Variants in PDZD2 observed in about 807,000 individuals in gnomAD.
PDZD2 encodes the protein PDZ domain-containing protein 2.
PDZD2 carries 90 observed loss-of-function variants against 220.7 expected under a neutral mutation model. The observed-to-expected ratio is 0.41, with a 90% CI of 0.34 to 0.49. The LOEUF (loss-of-function observed/expected upper bound fraction) is 0.49, where lower values mean the gene tolerates loss of function less well. Ranked by LOEUF, PDZD2 falls within the 20% of genes least tolerant of loss-of-function variation. The probability of loss-of-function intolerance (pLI) is 0.28; values close to 1 mark genes in which losing one functional copy is unlikely to be tolerated. For missense variants in PDZD2, 3,174 were observed against 3,608.5 expected (o/e 0.88, Z 3.08); for synonymous variants, 1,375 against 1,450.5 (o/e 0.95, Z 1.18).
At chr5:31,796,556 G>A (rs1320000382) in intron 1 of PDZD2, among the ~76,000 whole-genome samples, 1 of 152,112 alleles carries the variant, frequency 6.6e-6, no homozygotes, top group Non-Finnish European at 1.5e-5. Context: ...CTGAGGTCTC[G>A]GGGAAGAACC....
chr5:32,004,856 C>G (rs1232070196), intron 5 of PDZD2, among the ~76,000 whole-genome samples: 1 of 152,198 alleles, frequency 6.6e-6, no homozygotes, highest in Non-Finnish European at 1.5e-5. Flanking sequence ...CATTCCAGAA[C>G]CAAAGGATGG....
intron 2 of PDZD2, among the ~76,000 whole-genome samples, chr5:31,943,754 C>T (rs931935061): frequency 6.6e-6 from 1 of 152,222 alleles, no homozygotes; most frequent in African/African-American, 2.4e-5. Flanking sequence ...TAGGGCACAA[C>T]ACTCTCTTTA....
rs1040549345 is a variant in PDZD2, at chr5:32,109,919, A to G, written c.*1784A>G. 1 of 152,660 alleles carries G rather than the reference A, an allele frequency of 6.6e-6. No homozygotes were observed. The highest frequency in any genetic ancestry group is 6.5e-5 in the Admixed American group (1 of 15,276). 9.5% of individuals were successfully genotyped at this position (152,660 alleles called of 1,614,324 possible). On this transcript the variant is annotated 3_prime_UTR_variant, in exon 25 of 25. Transcript: ENST00000438447. ...AGTCCAGATTTCTCATCAACTGGCA[A>G]TACAAAGGAAAATATGGTACAGGAG...
chr5:31,911,686 G>C (rs77620374), intron 2 of PDZD2, among the ~76,000 whole-genome samples: 4,257 of 152,346 alleles, frequency 0.028, 87 homozygotes, highest in South Asian at 0.044. Flanking sequence ...CCAAGAATCA[G>C]GCTTGGATGT....
chr5:31,842,084 C>T (rs745862589), intron 2 of PDZD2, among the ~76,000 whole-genome samples: 23 of 152,144 alleles, frequency 1.5e-4, no homozygotes, highest in Non-Finnish European at 3.2e-4. Context: ...TGAAGGTGAG[C>T]CGTTAATTTG....
chr5:31,848,508 G>A (rs1010792310), intron 2 of PDZD2, among the ~76,000 whole-genome samples: 5 of 152,212 alleles, frequency 3.3e-5, no homozygotes, highest in Admixed American at 1.3e-4. Context: ...CAGCACTTTG[G>A]GAGGCTGAGG....
intron 2 of PDZD2, among the ~76,000 whole-genome samples, chr5:31,886,046 C>T (rs554747132): frequency 4.6e-5 from 7 of 151,944 alleles, no homozygotes; most frequent in African/African-American, 7.3e-5. Flanking sequence ...ATTACAGGCA[C>T]CCACCACCAC....
At chr5:31,850,615 T>C (rs894439682) in intron 2 of PDZD2, among the ~76,000 whole-genome samples, 7 of 151,476 alleles carry the variant, frequency 4.6e-5, no homozygotes, top group African/African-American at 1.5e-4. Context: ...GCAAGTCGTC[T>C]TTACATTGTA....
chr5:31,694,857 C>T (rs1445255306), intron 1 of PDZD2, among the ~76,000 whole-genome samples: 1 of 150,868 alleles, frequency 6.6e-6, no homozygotes, highest in East Asian at 1.9e-4. Context: ...GGTGCAGTGG[C>T]TCACGCCTGT....
At position 31,721,741 on chromosome 5, in the gene PDZD2, CA is replaced by C. The variant is rs11368533; in HGVS notation, c.-360-77137del. 5.1e-3 allele frequency among the ~76,000 whole-genome samples: 757 copies of C among 147,920 alleles called. 7 individuals carry two copies. The highest frequency in any genetic ancestry group is 0.017 in the African/African-American group (696 of 40,278). On this transcript the variant is annotated intron_variant, in intron 1 of 24. Coordinates refer to ENST00000438447, the MANE Select transcript of PDZD2 (RefSeq NM_178140.4). ...TAAAAAAAATGAGGCTTAGCTGTCT[CA>C]AAAAAAAAAATGAGTCTTAGCAGTG...
At position 31,699,930 on chromosome 5, in the gene PDZD2, G is replaced by A. The variant is rs182261241; in HGVS notation, c.-361+60493G>A. Reference sequence around the variant, plus strand: ...AAAAGAAAAGAAGAAAGGAGGTTGGGAGATTTAACTAAAGAGTCTGAATGC... The same window carrying A: ...AAAAGAAAAGAAGAAAGGAGGTTGGAAGATTTAACTAAAGAGTCTGAATGC... On this transcript the variant is annotated intron_variant, in intron 1 of 24. Transcript: ENST00000438447. 9.9e-4 allele frequency among the ~76,000 whole-genome samples: 151 copies of A among 152,236 alleles called. 1 individual carries two copies. The highest frequency in any genetic ancestry group is 3.3e-3 in the African/African-American group (139 of 41,552).
chr5:31,846,608 C>T (rs558372723), intron 2 of PDZD2, among the ~76,000 whole-genome samples: 1 of 152,356 alleles, frequency 6.6e-6, no homozygotes, highest in South Asian at 2.1e-4. Flanking sequence ...CAATAAGTCA[C>T]CACCCCGTCT....
chr5:32,078,639 A>G (rs987469605), intron 19 of PDZD2, among the ~76,000 whole-genome samples: 24 of 32,990 alleles, frequency 7.3e-4, no homozygotes, highest in South Asian at 1.5e-3. Flanking sequence ...CTCAAAAATT[A>G]AAAAAAAAAA....
chr5:31,790,614 A>G (rs1753648135), intron 1 of PDZD2, among the ~76,000 whole-genome samples: 1 of 148,986 alleles, frequency 6.7e-6, no homozygotes, highest in Non-Finnish European at 1.5e-5. Flanking sequence ...TAAGGTATCT[A>G]GTCTGTGTGT....
intron 2 of PDZD2, among the ~76,000 whole-genome samples, chr5:31,866,302 G>A (rs962702846): frequency 6.6e-6 from 1 of 152,174 alleles, no homozygotes; most frequent in Non-Finnish European, 1.5e-5. Context: ...CCCAGCCTCA[G>A]GATGGCAACT....
chr5:31,909,076 G>A (rs1742949830), intron 2 of PDZD2: 1 of 184,982 alleles, frequency 5.4e-6, no homozygotes, highest in Admixed American at 5.9e-5. Context: ...TTTCTGTATT[G>A]GGGAAACCAT....
chr5:31,731,575 T>C (rs1464977124), intron 1 of PDZD2, among the ~76,000 whole-genome samples: 1 of 152,226 alleles, frequency 6.6e-6, no homozygotes, highest in East Asian at 1.9e-4. Flanking sequence ...TAATACAACC[T>C]TCTGTGTATT....
intron 2 of PDZD2, among the ~76,000 whole-genome samples, chr5:31,953,782 G>A (rs1371992566): frequency 6.6e-6 from 1 of 151,870 alleles, no homozygotes; most frequent in Non-Finnish European, 1.5e-5. Context: ...CTCCCGAGTA[G>A]CTGGGACTAC....
In PDZD2 at chr5:32,087,089, C is replaced by A; in HGVS notation, c.3683-42C>A. 8.8e-7 allele frequency: 1 copy of A among 1,139,520 alleles called. No individual in the cohort carries two copies. Among genetic ancestry groups the A allele is most frequent in the Non-Finnish European group, 1.3e-6 (1 of 772,784 alleles). 70.6% of individuals were successfully genotyped at this position (1,139,520 alleles called of 1,614,324 possible). A position where few individuals can be genotyped will look rare whatever the true frequency, so the allele number is the denominator to read the frequency against. ...ATTATCCCTTTTATCTCCCCTACAA[C>A]CTCTCCTGTGTATGTACCTTCTGTT... On this transcript the variant is annotated intron_variant, in intron 19 of 24. Transcript: ENST00000438447. The surrounding 1 kb of genome is among the most constrained non-coding windows in gnomAD (Gnocchi z 4.0).
Sources: allele counts gnomAD v4.1 joint callset (sites outside exome capture counted in the v4.1 genomes callset), GRCh38; gene constraint gnomAD v4.1.1; non-coding constraint Gnocchi (gnomAD v3.1); transcripts MANE v1.5; gene names NCBI Gene and HGNC (gene_info 2026-07-23, HGNC 2026-07-21).